TMCO5A: variants seen among roughly 807,000 people sequenced by gnomAD.
TMCO5A encodes transmembrane and coiled-coil domains 5A, also known as transmembrane and coiled-coil domain-containing protein 5A.
TMCO5A carries 34 observed loss-of-function variants against 42.3 expected under a neutral mutation model. The ratio of observed to expected loss-of-function variants is 0.80; its 90% CI spans 0.61 to 1.07. The LOEUF (loss-of-function observed/expected upper bound fraction) is 1.07. TMCO5A is among the 50% of genes least tolerant of loss of function. The probability of loss-of-function intolerance (pLI) is 0.00; values close to 1 mark genes in which losing one functional copy is unlikely to be tolerated. For synonymous variants in TMCO5A, 131 were observed against 115.6 expected, an observed-to-expected ratio of 1.13 and a Z score of -0.86; for missense variants, 357 against 327.9, an observed-to-expected ratio of 1.09 and a Z score of -0.69.
At chr15:37,973,268 C>T in the TMCO5A span, among the ~76,000 whole-genome samples, 1 of 150,744 alleles carries the variant, frequency 6.6e-6, no homozygotes, top group African/African-American at 2.5e-5. Flanking sequence ...ATTGCCTTGG[C>T]TATTGGGGCT....
At chr15:38,034,797 G>A in the TMCO5A span, among the ~76,000 whole-genome samples, 3 of 152,070 alleles carry the variant, frequency 2.0e-5, no homozygotes, top group Admixed American at 1.3e-4. Context: ...ACAACCAAAA[G>A]GGGCCCCTGG....
At chr15:37,990,553 T>G in the TMCO5A span, among the ~76,000 whole-genome samples, 4 of 152,076 alleles carry the variant, frequency 2.6e-5, no homozygotes, top group African/African-American at 4.8e-5. Flanking sequence ...CATGTGTGTG[T>G]GGGATTTTTT....
chr15:38,014,861 A>ATATATG, the TMCO5A span, among the ~76,000 whole-genome samples: 1 of 63,678 alleles, frequency 1.6e-5, no homozygotes, highest in Non-Finnish European at 3.5e-5. Flanking sequence ...GATTATATAT[A>ATATATG]TATATATATA....
downstream of TMCO5A, among the ~76,000 whole-genome samples, chr15:37,955,367 C>T (rs538851042): frequency 4.6e-5 from 7 of 151,242 alleles, no homozygotes; most frequent in Non-Finnish European, 8.9e-5. Context: ...CTCCCAGTAA[C>T]GAAAAGCTCA....
downstream of TMCO5A, among the ~76,000 whole-genome samples, chr15:37,952,754 C>A (rs1024968745): frequency 6.6e-6 from 1 of 152,182 alleles, no homozygotes; most frequent in Non-Finnish European, 1.5e-5. Context: ...CAGAGTGAGC[C>A]CTTGGGTTCC....
downstream of TMCO5A, among the ~76,000 whole-genome samples, chr15:37,956,170 A>G (rs1890284993): frequency 6.6e-6 from 1 of 152,196 alleles, no homozygotes; most frequent in Non-Finnish European, 1.5e-5. Flanking sequence ...ACACCCTAAC[A>G]TCACAATTAA....
intron 11 of TMCO5A, among the ~76,000 whole-genome samples, chr15:37,961,754 T>C (rs1454018411): frequency 6.6e-6 from 1 of 152,132 alleles, no homozygotes; most frequent in Non-Finnish European, 1.5e-5. Context: ...TTCACCTCCT[T>C]GTTTAGGTAA....
At chr15:37,935,500 G>A (rs1889478930) in intron 2 of TMCO5A, among the ~76,000 whole-genome samples, 152 bp downstream of exon 2, 1 of 151,924 alleles carries the variant, frequency 6.6e-6, no homozygotes, top group Non-Finnish European at 1.5e-5. Context: ...TCCAAGATAG[G>A]ACTTAACTTT....
chr15:37,995,895 G>T, the TMCO5A span, among the ~76,000 whole-genome samples: 1 of 150,900 alleles, frequency 6.6e-6, no homozygotes, highest in African/African-American at 2.4e-5. Context: ...TTATCCACAC[G>T]ATGGTGCTAG....
downstream of TMCO5A, among the ~76,000 whole-genome samples, chr15:37,971,555 A>T (rs1322182949): frequency 1.3e-5 from 2 of 152,188 alleles, no homozygotes; most frequent in Non-Finnish European, 2.9e-5. Flanking sequence ...CTCCTCAGAA[A>T]ATGGGATTTT....
the TMCO5A span, among the ~76,000 whole-genome samples, chr15:38,032,401 A>G: frequency 6.6e-6 from 1 of 152,220 alleles, no homozygotes; most frequent in Non-Finnish European, 1.5e-5. Flanking sequence ...TATATCATTC[A>G]GTAACTAGCT....
intron 11 of TMCO5A, among the ~76,000 whole-genome samples, chr15:37,958,920 C>G (rs1890356723): frequency 6.6e-6 from 1 of 152,018 alleles, no homozygotes; most frequent in Non-Finnish European, 1.5e-5. Flanking sequence ...ACATATACAC[C>G]ATGGACTACT....
At chr15:37,950,108 A>G (rs1890107994) in intron 11 of TMCO5A, among the ~76,000 whole-genome samples, 1 of 152,194 alleles carries the variant, frequency 6.6e-6, no homozygotes, top group African/African-American at 2.4e-5. Flanking sequence ...GGTGTAATCT[A>G]GGAAGCTGCA....
rs756879502 is a variant in TMCO5A, at chr15:37,943,402, A to G, written c.627+4A>G. 1 of 1,612,138 alleles carries G rather than the reference A, an allele frequency of 6.2e-7. No individual in the cohort carries two copies. Among genetic ancestry groups the G allele is most frequent in the Non-Finnish European group, 8.5e-7 (1 of 1,178,950 alleles). Reference sequence around the variant, plus strand: ...GCATACCAGCCAAAATAATGAGGTAAACACTCCATTCTCTCTTCAGCTCCT... The same window carrying G: ...GCATACCAGCCAAAATAATGAGGTAGACACTCCATTCTCTCTTCAGCTCCT... On this transcript the variant is annotated splice_donor_region_variant and intron_variant, in intron 10 of 11. Coordinates refer to ENST00000319669, the MANE Select transcript of TMCO5A (RefSeq NM_152453.4).
At chr15:38,029,461 T>C in the TMCO5A span, among the ~76,000 whole-genome samples, 164 of 151,812 alleles carry the variant, frequency 1.1e-3, no homozygotes, top group South Asian at 0.014. Flanking sequence ...ACAAAATCAG[T>C]AGTTTATTTT....
At chr15:38,019,773 A>ATTT in the TMCO5A span, among the ~76,000 whole-genome samples, 1 of 143,762 alleles carries the variant, frequency 7.0e-6, no homozygotes. Context: ...TGTCTGGCTA[A>ATTT]TTTTTTTTTT....
At chr15:38,003,068 C>T in the TMCO5A span, among the ~76,000 whole-genome samples, 3 of 152,296 alleles carry the variant, frequency 2.0e-5, no homozygotes, top group East Asian at 5.8e-4. Context: ...ACTGCAGTTG[C>T]ATGTGCATTA....
intron 10 of TMCO5A, chr15:37,943,810 T>C (rs1889841014): frequency 1.2e-5 from 2 of 162,576 alleles, no homozygotes; most frequent in African/African-American, 4.8e-5. Flanking sequence ...GCACCCACCA[T>C]CTGTCATCAT....
intron 10 of TMCO5A, among the ~76,000 whole-genome samples, chr15:37,945,540 G>C (rs895697707): frequency 6.6e-6 from 1 of 152,008 alleles, no homozygotes; most frequent in African/African-American, 2.4e-5. Context: ...AGCATCTGTT[G>C]TTGTTTGATT....
Sources: allele counts gnomAD v4.1 joint callset (sites outside exome capture counted in the v4.1 genomes callset), GRCh38; gene constraint gnomAD v4.1.1; transcripts MANE v1.5; gene names NCBI Gene and HGNC (gene_info 2026-07-23, HGNC 2026-07-21).